RHOBTB1: variants seen among roughly 807,000 people sequenced by gnomAD.
The protein encoded by RHOBTB1 is Rho related BTB domain containing 1.
Under a neutral mutation model 71.6 loss-of-function variants are expected in RHOBTB1, and 40 were observed. The ratio of observed to expected loss-of-function variants is 0.56; its 90% CI spans 0.43 to 0.73. The LOEUF is 0.73. RHOBTB1 is among the 30% of genes least tolerant of loss of function. The pLI is 0.00. For missense variants in RHOBTB1, 797 were observed against 894.0 expected (o/e 0.89, Z 1.38); for synonymous variants, 319 against 334.9 (o/e 0.95, Z 0.52).
chr10:60,987,976 C>T (rs1300372858), intron 1 of RHOBTB1, among the ~76,000 whole-genome samples: 1 of 132,260 alleles, frequency 7.6e-6, no homozygotes, highest in Non-Finnish European at 1.5e-5. Flanking sequence ...CTCTGTCCCC[C>T]AGGATGGAGT....
chr10:60,921,715 G>A (rs1009338980), intron 2 of RHOBTB1, among the ~76,000 whole-genome samples: 1 of 152,204 alleles, frequency 6.6e-6, no homozygotes, highest in Non-Finnish European at 1.5e-5. Context: ...CCTGGGGCTG[G>A]CAGAGAACTT....
chr10:60,972,421 A>G (rs1410932643), intron 2 of RHOBTB1, among the ~76,000 whole-genome samples: 1 of 152,186 alleles, frequency 6.6e-6, no homozygotes, highest in Non-Finnish European at 1.5e-5. Context: ...CATTCTCAGC[A>G]AACTAACACA....
intron 5 of RHOBTB1, among the ~76,000 whole-genome samples, chr10:60,892,031 C>T (rs961920310): frequency 9.2e-5 from 14 of 152,190 alleles, no homozygotes; most frequent in Admixed American, 7.9e-4. Flanking sequence ...GTGTTTTCTT[C>T]CCCTCTGCCA....
At chr10:60,947,163 T>C (rs2085265373), upstream of RHOBTB1, among the ~76,000 whole-genome samples, 1 of 152,216 alleles carries the variant, frequency 6.6e-6, no homozygotes, top group South Asian at 2.1e-4. Flanking sequence ...GTAATCACTG[T>C]CATGAGTTTA....
At chr10:60,960,219 T>A (rs188853275) in intron 2 of RHOBTB1, among the ~76,000 whole-genome samples, 1 of 152,350 alleles carries the variant, frequency 6.6e-6, no homozygotes, top group African/African-American at 2.4e-5. Flanking sequence ...TATGATGACA[T>A]TTCTTATACT....
intron 1 of RHOBTB1, among the ~76,000 whole-genome samples, chr10:60,990,853 T>G (rs2086839280): frequency 6.6e-6 from 1 of 152,248 alleles, no homozygotes. Flanking sequence ...TTTATATCTC[T>G]GACAAGCCCC....
intron 2 of RHOBTB1, among the ~76,000 whole-genome samples, chr10:60,919,240 C>T (rs1249380185): frequency 6.6e-6 from 1 of 152,156 alleles, no homozygotes; most frequent in Non-Finnish European, 1.5e-5. Context: ...AGTAATTTAG[C>T]TCAGCCATTA....
In RHOBTB1 at chr10:60,964,350, T is replaced by C. The variant is rs187195581; in HGVS notation, c.-62+21495A>G. Among the ~76,000 whole-genome samples the C allele has an allele frequency of 4.2e-3, 640 of 152,214 alleles. 1 individual carries two copies. Among genetic ancestry groups the C allele is most frequent in the Non-Finnish European group, 7.0e-3 (478 of 67,976 alleles). On this transcript the variant is annotated intron_variant, in intron 2 of 11. Coordinates refer to the RHOBTB1 transcript ENST00000357917. ...TGGGTTTTGGGCCACCACTGCCCTC[T>C]AGGGGACACATGGAAAATAAGCAAA...
intron 1 of RHOBTB1, among the ~76,000 whole-genome samples, chr10:60,993,755 T>C (rs532133404): frequency 6.6e-6 from 1 of 152,000 alleles, no homozygotes; most frequent in South Asian, 2.1e-4. Flanking sequence ...AAATAAAATA[T>C]ATAACATTTA....
chr10:60,899,031 G>A (rs1028481699), intron 4 of RHOBTB1, among the ~76,000 whole-genome samples: 1 of 152,080 alleles, frequency 6.6e-6, no homozygotes, highest in Non-Finnish European at 1.5e-5. Flanking sequence ...AATATCATAG[G>A]GGTTAATGGC....
upstream of RHOBTB1, among the ~76,000 whole-genome samples, chr10:61,001,834 G>A (rs1292914382): frequency 1.3e-5 from 2 of 152,246 alleles, no homozygotes; most frequent in Admixed American, 6.5e-5. Flanking sequence ...GGCCCGAGGG[G>A]CCGCCCTTCC....
intron 7 of RHOBTB1, among the ~76,000 whole-genome samples, chr10:60,882,630 GT>G (rs1259968185): frequency 6.6e-6 from 1 of 151,538 alleles, no homozygotes; most frequent in Non-Finnish European, 1.5e-5. Context: ...GGGTGGGAGG[GT>G]GGCTGGCATC....
intron 7 of RHOBTB1, among the ~76,000 whole-genome samples, chr10:60,881,144 T>C (rs1332745733): frequency 6.6e-6 from 1 of 152,130 alleles, no homozygotes; most frequent in Non-Finnish European, 1.5e-5. Flanking sequence ...TTTCACTTGG[T>C]TCTCTCTCTC....
intron 2 of RHOBTB1, among the ~76,000 whole-genome samples, chr10:60,928,061 T>C (rs1290655192): frequency 6.6e-6 from 1 of 151,140 alleles, no homozygotes; most frequent in East Asian, 1.9e-4. Flanking sequence ...AGCCAACACA[T>C]ATGAAAAAAT....
intron 4 of RHOBTB1, among the ~76,000 whole-genome samples, chr10:60,902,741 A>G (rs1450549081): frequency 5.9e-5 from 9 of 152,206 alleles, no homozygotes; most frequent in African/African-American, 4.8e-5. Context: ...AGGTTGATCC[A>G]TCATTTGTTA....
chr10:60,908,496 A>G (rs574056807), intron 4 of RHOBTB1, among the ~76,000 whole-genome samples: 7 of 152,344 alleles, frequency 4.6e-5, no homozygotes, highest in African/African-American at 1.4e-4. Context: ...AAGTTTTGCA[A>G]AAACAAAAAA....
At chr10:60,946,345 A>G (rs973464133), upstream of RHOBTB1, among the ~76,000 whole-genome samples, 1 of 152,176 alleles carries the variant, frequency 6.6e-6, no homozygotes, top group Non-Finnish European at 1.5e-5. Context: ...GCTATTTCTC[A>G]TCAAACTGCC....
At chr10:60,906,442 G>A (rs889101613) in intron 4 of RHOBTB1, among the ~76,000 whole-genome samples, 2 of 152,216 alleles carry the variant, frequency 1.3e-5, no homozygotes, top group Admixed American at 1.3e-4. Context: ...AATGTACCAG[G>A]AGGAAATTTC....
chr10:60,999,767 G>A lies in RHOBTB1; in HGVS notation c.-163+1632C>T, dbSNP rs12259045. On this transcript the variant is annotated intron_variant, in intron 1 of 11. Transcript: ENST00000357917. The stretch of plus-strand genomic sequence containing the variant: ...CTGCATGCCCTCCCTGTTAGGGAAT[G>A]TTTATGGTTCAGACACACATGAACC... Among the ~76,000 whole-genome samples, 520 of 152,338 alleles carry A rather than the reference G, an allele frequency of 3.4e-3. 6 individuals are homozygous for A. Among genetic ancestry groups the A allele is most frequent in the African/African-American group, 0.012 (503 of 41,576 alleles).
Sources: gnomAD v4.1 joint callset for allele counts (sites outside exome capture counted in the v4.1 genomes callset) on GRCh38, gnomAD v4.1.1 for gene constraint, MANE v1.5 for transcripts, NCBI Gene and HGNC (gene_info 2026-07-23, HGNC 2026-07-21) for gene names.